Variants in TGFB1 observed in about 807,000 individuals in gnomAD.
TGFB1 encodes the protein transforming growth factor beta 1, also known as transforming growth factor beta-1 proprotein.
In TGFB1, 19 loss-of-function variants were observed where a neutral mutation model predicts 43.8. The ratio of observed to expected loss-of-function variants is 0.43; its 90% CI spans 0.30 to 0.64. The LOEUF (loss-of-function observed/expected upper bound fraction) is 0.64. TGFB1 is among the 30% of genes least tolerant of loss of function. The pLI is 0.11. For synonymous variants in TGFB1, 221 were observed against 236.3 expected, an observed-to-expected ratio of 0.94 and a Z score of 0.60; for missense variants, 445 against 529.8, an observed-to-expected ratio of 0.84 and a Z score of 1.57.
chr19:41,344,654 G>C (rs1251568824), intron 3 of TGFB1, 93 bp downstream of exon 3: 2 of 1,135,008 alleles, frequency 1.8e-6, no homozygotes, highest in Non-Finnish European at 2.7e-6. Context: ...ACCAGTATGG[G>C]GCGGAGAGGG....
At chr19:41,347,607 C>T (rs1037599751) in intron 2 of TGFB1, among the ~76,000 whole-genome samples, 2 of 152,052 alleles carry the variant, frequency 1.3e-5, no homozygotes, top group African/African-American at 2.4e-5. Context: ...GTAGGAGAAT[C>T]ACTTGAGGGC....
At chr19:41,338,505 A>G (rs797002212) in intron 5 of TGFB1, among the ~76,000 whole-genome samples, 3 of 151,378 alleles carry the variant, frequency 2.0e-5, no homozygotes, top group Non-Finnish European at 2.9e-5. Context: ...TCAAAAAAAA[A>G]AAAAGGGGAT....
At chr19:41,345,849 C>A (rs1221999249) in intron 2 of TGFB1, among the ~76,000 whole-genome samples, 3 of 151,926 alleles carry the variant, frequency 2.0e-5, no homozygotes, top group African/African-American at 7.3e-5. Flanking sequence ...TTGCAGTGAG[C>A]CGAGATTGCA....
chr19:41,331,058 G>A lies in TGFB1; in HGVS notation c.1167C>T (p.Cys389=). 6.4e-7 allele frequency: 1 copy of A among 1,563,726 alleles called. No homozygotes were observed. Among genetic ancestry groups the A allele is most frequent in the Non-Finnish European group, 8.6e-7 (1 of 1,156,798 alleles). The stretch of plus-strand genomic sequence containing the variant: ...GGCGGGGCGGGGCGGGACCTCAGCT[G>A]CACTTGCAGGAGCGCACGATCATGT... ...LSNMIVRSCK[C]S Residue 389 remains cysteine, a synonymous_variant, in exon 7 of 7, where the codon TGC becomes TGT. Transcript: ENST00000221930.
intron 2 of TGFB1, among the ~76,000 whole-genome samples, chr19:41,346,127 G>T (rs1303451437): frequency 1.3e-5 from 2 of 152,074 alleles, no homozygotes; most frequent in Non-Finnish European, 2.9e-5. Context: ...GAGGAGGGTG[G>T]ATCACCAGAG....
At chr19:41,345,014 T>TC (rs2038100353) in intron 2 of TGFB1, 150 bp from the exon 3 acceptor site, 1 of 742,770 alleles carries the variant, frequency 1.3e-6, no homozygotes, top group Non-Finnish European at 2.4e-6. Flanking sequence ...ACCTGTGTGG[T>TC]CCTGTGGCAC....
At position 41,331,024 on chromosome 19, in the gene TGFB1, C is replaced by A; in HGVS notation, c.*28G>T. 9.4e-7 allele frequency: 1 copy of A among 1,064,632 alleles called. No homozygotes were observed. The highest frequency in any genetic ancestry group is 3.4e-5 in the Admixed American group (1 of 29,768). The allele number at this position is 1,064,632 out of a possible 1,614,324, so 65.9% of individuals were successfully genotyped here. ...GCGGGGCGGGGTGGGGCCGGGCCTG[C>A]CGGGGCGGGGCGGGGCGGGGCGGGA... On this transcript the variant is annotated 3_prime_UTR_variant, in exon 7 of 7. Transcript: ENST00000221930.
rs571971270 is a variant in TGFB1, at chr19:41,348,151, C to A, written c.516+144G>T. ...GTCTCAAAAAAAAAAAAAAAGCGTT[C>A]TAGGATTGTATGGTTTGTGTTCTTC... On this transcript the variant is annotated intron_variant, in intron 2 of 6. Coordinates refer to ENST00000221930, the MANE Select transcript of TGFB1 (RefSeq NM_000660.7). 72 of 864,496 alleles carry A rather than the reference C, an allele frequency of 8.3e-5. No homozygotes were observed. The African/African-American group carries it at 1.1e-3, about 13-fold the overall frequency. The allele number at this position is 864,496 out of a possible 1,614,324, so 53.6% of individuals were successfully genotyped here.
chr19:41,353,139 A>G lies in TGFB1; in HGVS notation c.-95T>C. On this transcript the variant is annotated 5_prime_UTR_variant, in exon 1 of 7. Coordinates refer to ENST00000221930, the MANE Select transcript of TGFB1 (RefSeq NM_000660.7). The surrounding 1 kb of genome is among the most constrained non-coding windows in gnomAD (Gnocchi z 5.9). Reference sequence around the variant, plus strand: ...CTGCAGGGGCTGGGGGTCTCCCGGCAAAAGGTAGGAGGGCCTCGAGGGAAA... The same window carrying G: ...CTGCAGGGGCTGGGGGTCTCCCGGCGAAAGGTAGGAGGGCCTCGAGGGAAA... 7.1e-7 allele frequency: 1 copy of G among 1,401,416 alleles called. No homozygotes were observed. Among genetic ancestry groups the G allele is most frequent in the Non-Finnish European group, 9.3e-7 (1 of 1,078,150 alleles). The allele number at this position is 1,401,416 out of a possible 1,614,324, so 86.8% of individuals were successfully genotyped here.
intron 5 of TGFB1, among the ~76,000 whole-genome samples, chr19:41,341,292 C>T (rs1316945811): frequency 6.6e-6 from 1 of 150,616 alleles, no homozygotes; most frequent in African/African-American, 2.4e-5. Flanking sequence ...CAGTGAAACC[C>T]CATCTCTACT....
chr19:41,332,731 T>C (rs1599882732), intron 5 of TGFB1, among the ~76,000 whole-genome samples: 1 of 152,296 alleles, frequency 6.6e-6, no homozygotes, highest in Non-Finnish European at 1.5e-5. Flanking sequence ...AGGCTAGGCA[T>C]GGTGGCTCAC....
chr19:41,341,192 C>T (rs963277064), intron 5 of TGFB1, among the ~76,000 whole-genome samples: 2 of 151,854 alleles, frequency 1.3e-5, no homozygotes, highest in African/African-American at 4.8e-5. Flanking sequence ...TTAGGCCGGG[C>T]GCGTTGGCTC....
intron 5 of TGFB1, among the ~76,000 whole-genome samples, chr19:41,339,854 G>A (rs967970862): frequency 2.0e-5 from 3 of 152,076 alleles, no homozygotes; most frequent in Non-Finnish European, 4.4e-5. Flanking sequence ...CATTGACAGC[G>A]TTGCTGGGCT....
At chr19:41,346,481 T>G (rs1189905922) in intron 2 of TGFB1, among the ~76,000 whole-genome samples, 2 of 152,190 alleles carry the variant, frequency 1.3e-5, no homozygotes, top group Non-Finnish European at 2.9e-5. Context: ...ACTGTGAAAG[T>G]CTGAAATCTA....
chr19:41,352,510 AG>A (rs2038216508), intron 1 of TGFB1, among the ~76,000 whole-genome samples, 179 bp downstream of exon 1: 1 of 152,076 alleles, frequency 6.6e-6, no homozygotes, highest in Non-Finnish European at 1.5e-5. Flanking sequence ...CCTGGGTGGT[AG>A]GGGGCTCAGT....
Position 41,341,750 on chromosome 19 carries a change from C to T in TGFB1, c.860+133G>A. The T allele has an allele frequency of 4.0e-5, 46 of 1,164,292 alleles. No homozygotes were observed. In the South Asian group the frequency reaches 5.6e-4, roughly 14 times the overall value. 72.1% of individuals were successfully genotyped at this position (1,164,292 alleles called of 1,614,324 possible). On this transcript the variant is annotated intron_variant, in intron 5 of 6. Transcript: ENST00000221930. ...TTACACCCAGACCTCATCCCCTGAGCCCTCCAAGCTAAAGGAGACAGATGC... is the reference window on the plus strand; with the variant it reads ...TTACACCCAGACCTCATCCCCTGAGTCCTCCAAGCTAAAGGAGACAGATGC...
At chr19:41,339,853 C>T (rs2278422) in intron 5 of TGFB1, among the ~76,000 whole-genome samples, 2 of 151,784 alleles carry the variant, frequency 1.3e-5, no homozygotes, top group African/African-American at 2.4e-5. Flanking sequence ...TCATTGACAG[C>T]GTTGCTGGGC....
chr19:41,334,044 C>A (rs2037962953), intron 5 of TGFB1, among the ~76,000 whole-genome samples: 1 of 152,182 alleles, frequency 6.6e-6, no homozygotes, highest in Non-Finnish European at 1.5e-5. Context: ...ATCTATTACT[C>A]TCTGCCTGCC....
intron 2 of TGFB1, among the ~76,000 whole-genome samples, chr19:41,345,911 A>G (rs923582526): frequency 7.9e-5 from 12 of 152,226 alleles, no homozygotes; most frequent in African/African-American, 2.6e-4. Context: ...CAAAAAAAAA[A>G]AAAGTCATTT....
Sources: allele counts gnomAD v4.1 joint callset (sites outside exome capture counted in the v4.1 genomes callset), GRCh38; gene constraint gnomAD v4.1.1; non-coding constraint Gnocchi (gnomAD v3.1); transcripts MANE v1.5; gene names NCBI Gene and HGNC (gene_info 2026-07-23, HGNC 2026-07-21).